The following EP400 variants were observed in gnomAD, a reference collection of about 807,000 sequenced individuals.
The protein encoded by EP400 is E1A binding protein p400.
A neutral mutation model predicts 354.1 loss-of-function variants in EP400; 105 were observed. The observed-to-expected ratio is 0.30, with a 90% CI of 0.25 to 0.35. The LOEUF (loss-of-function observed/expected upper bound fraction) is 0.35, where lower values mean the gene tolerates loss of function less well. Ranked by LOEUF, EP400 falls within the 10% of genes least tolerant of loss-of-function variation. The probability of loss-of-function intolerance (pLI) is 1.00; values close to 1 mark genes in which losing one functional copy is unlikely to be tolerated. For synonymous variants in EP400, 1,646 were observed against 1,716.9 expected, an observed-to-expected ratio of 0.96 and a Z score of 1.02; for missense variants, 3,280 against 4,121.0, an observed-to-expected ratio of 0.80 and a Z score of 5.59.
intron 45 of EP400, among the ~76,000 whole-genome samples, chr12:132,060,151 G>T (rs1163794454): frequency 1.3e-5 from 2 of 151,974 alleles, no homozygotes; most frequent in African/African-American, 2.4e-5. Context: ...TACCAAAACT[G>T]GGGGAAACAA....
intron 48 of EP400, 167 bp downstream of exon 48, chr12:132,065,053 CGTGGAA>C: frequency 2.4e-6 from 3 of 1,259,106 alleles, no homozygotes; most frequent in Non-Finnish European, 3.2e-6. Flanking sequence ...ACTCACCACT[CGTGGAA>C]CATTAACACA....
At chr12:131,971,766 T>C (rs1892295553) in intron 2 of EP400, among the ~76,000 whole-genome samples, 2 of 152,080 alleles carry the variant, frequency 1.3e-5, no homozygotes, top group African/African-American at 4.8e-5. Context: ...GTGATGAGTA[T>C]GTAGGGATCG....
rs1374108425 is a variant in EP400, at chr12:131,983,124, C to T, written c.1929+646C>T. Among the ~76,000 whole-genome samples the T allele has an allele frequency of 8.5e-5, 13 of 152,300 alleles. No individual in the cohort carries two copies. The South Asian group carries it at 1.2e-3, about 15-fold the overall frequency. ...CTAGCAACCCTCAGGTAGGTGGCAG[C>T]GACCCATTCTACCAGTGTGGAGACA... On this transcript the variant is annotated intron_variant, in intron 5 of 52. Coordinates refer to ENST00000389561, the MANE Select transcript of EP400 (RefSeq NM_015409.5).
intron 2 of EP400, among the ~76,000 whole-genome samples, chr12:131,962,273 G>A (rs975570856): frequency 2.6e-5 from 4 of 152,162 alleles, no homozygotes; most frequent in Non-Finnish European, 5.9e-5. Context: ...AGCGTGTCCA[G>A]TTTTTTTCCC....
rs370036847 is a variant in EP400, at chr12:132,044,969, G to A, written c.6784+16G>A. ...GACCCCTCAGGTGCGCATCCCGAGG[G>A]CGTCACATGACCTGGGGGGGCCCTG... On this transcript the variant is annotated intron_variant, in intron 37 of 52. Transcript: ENST00000389561. 1.2e-4 allele frequency: 189 copies of A among 1,612,842 alleles called. No homozygotes were observed. Among genetic ancestry groups the A allele is most frequent in the Non-Finnish European group, 1.6e-4 (183 of 1,179,730 alleles).
chr12:132,073,437 C>A (rs1380395161), intron 51 of EP400, among the ~76,000 whole-genome samples: 2 of 137,172 alleles, frequency 1.5e-5, no homozygotes, highest in Non-Finnish European at 3.1e-5. Context: ...TGTTAGTGTG[C>A]GTTTTAATTC....
In EP400 at chr12:132,078,927, C is replaced by T. The variant is rs370767983; in HGVS notation, c.*1254C>T. 6.6e-6 allele frequency: 1 copy of T among 152,182 alleles called. No homozygotes were observed. The highest frequency in any genetic ancestry group is 2.1e-4 in the South Asian group (1 of 4,832). The allele number at this position is 152,182 out of a possible 1,614,324, so 9.4% of individuals were successfully genotyped here. A position where few individuals can be genotyped will look rare whatever the true frequency, so the allele number is the denominator to read the frequency against. ...TTAGTGGAATTGATTGACAGTGTCT[C>T]CTTACTTTGAAGTTTTCACCAAAGC... On this transcript the variant is annotated 3_prime_UTR_variant, in exon 53 of 53. Transcript: ENST00000389561.
intron 2 of EP400, among the ~76,000 whole-genome samples, chr12:131,977,905 C>T (rs1419279970): frequency 6.6e-6 from 1 of 152,146 alleles, no homozygotes; most frequent in Admixed American, 6.5e-5. Context: ...TCAAACAGCT[C>T]CCTGTCACTG....
At position 132,054,923 on chromosome 12, in the gene EP400, G is replaced by A. The variant is rs12321543; in HGVS notation, c.7729-51G>A. ...AAGTGGAAGCCTTTGGAGGATTTAT[G>A]CAGGGGAGAGCCTGACGTGAAATTC... On this transcript the variant is annotated intron_variant, in intron 43 of 52. Transcript: ENST00000389561. The surrounding 1 kb of genome is among the most constrained non-coding windows in gnomAD (Gnocchi z 4.0). 94,605 of 1,574,264 alleles carry A rather than the reference G, an allele frequency of 0.06. 3,177 individuals are homozygous for A. Among genetic ancestry groups the A allele is most frequent in the Middle Eastern group, 0.089 (535 of 5,984 alleles).
intron 2 of EP400, among the ~76,000 whole-genome samples, chr12:131,974,771 C>T (rs1431884658): frequency 4.0e-5 from 6 of 151,874 alleles, no homozygotes; most frequent in Non-Finnish European, 7.4e-5. Flanking sequence ...GGGCGGATCA[C>T]GAGGTCAGGA....
intron 7 of EP400, 81 bp downstream of exon 7, chr12:131,987,971 T>G (rs1593328447): frequency 6.6e-5 from 55 of 835,672 alleles, no homozygotes; most frequent in Non-Finnish European, 8.8e-5. Context: ...GGTGGGGAGG[T>G]CTCCAGACCC....
At chr12:132,071,585 C>G (rs1896069296) in intron 51 of EP400, among the ~76,000 whole-genome samples, 1 of 152,212 alleles carries the variant, frequency 6.6e-6, no homozygotes, top group African/African-American at 2.4e-5. Context: ...ACTGTCAGCT[C>G]CTCCTCCGCA....
chr12:131,975,354 T>C (rs1224059810), intron 2 of EP400, among the ~76,000 whole-genome samples: 1 of 152,184 alleles, frequency 6.6e-6, no homozygotes, highest in East Asian at 1.9e-4. Context: ...TTGGATTGCC[T>C]TAGAGGCTTT....
intron 30 of EP400, among the ~76,000 whole-genome samples, chr12:132,032,749 G>A (rs755365497): frequency 3.3e-5 from 5 of 151,380 alleles, no homozygotes; most frequent in Non-Finnish European, 5.9e-5. Context: ...TTCTGCCTCA[G>A]CCTCCCGAAT....
At chr12:132,010,613 A>T (rs868161995) in intron 15 of EP400, among the ~76,000 whole-genome samples, 15 of 152,318 alleles carry the variant, frequency 9.8e-5, no homozygotes, top group Middle Eastern at 3.4e-3. Flanking sequence ...ACAGAAGTTG[A>T]AATTTGTATG....
At chr12:132,058,353 ATTTT>A (rs60226464) in intron 45 of EP400, among the ~76,000 whole-genome samples, 1 of 129,550 alleles carries the variant, frequency 7.7e-6, no homozygotes. Context: ...TAAAGATTGG[ATTTT>A]TTTTTTTTTT....
chr12:132,067,021 G>T lies in EP400; in HGVS notation c.8749+52G>T, dbSNP rs1350831470. 6 of 1,496,442 alleles carry T rather than the reference G, an allele frequency of 4.0e-6. No homozygotes were observed. The highest frequency in any genetic ancestry group is 5.3e-6 in the Non-Finnish European group (6 of 1,126,918). 92.7% of individuals were successfully genotyped at this position (1,496,442 alleles called of 1,614,324 possible). On this transcript the variant is annotated intron_variant, in intron 49 of 52. Transcript: ENST00000389561. This position sits in a 1 kb window ranked among gnomAD's most constrained non-coding sequence, Gnocchi z 5.3. Reference sequence around the variant, plus strand: ...CCTGGGCTTGAGCCTGGTTTCACAGGCCTCTCTGGTGGCAGTGGTCGCCAG... The same window carrying T: ...CCTGGGCTTGAGCCTGGTTTCACAGTCCTCTCTGGTGGCAGTGGTCGCCAG...
intron 51 of EP400, among the ~76,000 whole-genome samples, chr12:132,073,594 C>T (rs905476822): frequency 6.6e-6 from 1 of 151,992 alleles, no homozygotes; most frequent in South Asian, 2.1e-4. Flanking sequence ...GCTGGGATTA[C>T]AGGCACATGC....
Position 132,021,254 on chromosome 12 carries a change from C to T in EP400, c.4623C>T (p.His1541=), listed in dbSNP as rs757709987. Residue 1541 remains histidine, a synonymous_variant, in exon 23 of 53, where the codon CAC becomes CAT. Coordinates refer to ENST00000389561, the MANE Select transcript of EP400 (RefSeq NM_015409.5). ...QPPPQPQAPS[H]AAGQSALPQR... is the part of the protein sequence containing the mutation. ...CGCCCCAGCCCCAGGCCCCCTCGCA[C>T]GCGGCCGGGCAGAGCGCGCTGCCTC... 1.0e-5 allele frequency: 16 copies of T among 1,542,040 alleles called. No homozygotes were observed. Among genetic ancestry groups the T allele is most frequent in the Admixed American group, 7.8e-5 (4 of 51,256 alleles).
Sources: allele counts gnomAD v4.1 joint callset (sites outside exome capture counted in the v4.1 genomes callset), GRCh38; gene constraint gnomAD v4.1.1; non-coding constraint Gnocchi (gnomAD v3.1); transcripts MANE v1.5; gene names NCBI Gene and HGNC (gene_info 2026-07-23, HGNC 2026-07-21).